The following C8orf34 variants were observed in gnomAD, a reference collection of about 807,000 sequenced individuals.
The protein encoded by C8orf34 is uncharacterized protein C8orf34.
A neutral mutation model predicts 68.3 loss-of-function variants in C8orf34; 65 were observed. The observed-to-expected ratio is 0.95, with a 90% confidence interval of 0.78 to 1.17. The LOEUF is 1.17. Among genes scored for constraint, C8orf34 ranks in the 50% most tolerant of loss-of-function variants. The pLI, the probability that C8orf34 is intolerant of heterozygous loss-of-function variation, is 0.00. For missense variants in C8orf34, 664 were observed against 655.4 expected, an observed-to-expected ratio of 1.01 and a Z score of -0.14; for synonymous variants, 244 against 241.2, an observed-to-expected ratio of 1.01 and a Z score of -0.11.
At chr8:68,423,354 A>G (rs185130231) in intron 1 of C8orf34, among the ~76,000 whole-genome samples, 249 of 152,302 alleles carry the variant, frequency 1.6e-3, no homozygotes, top group African/African-American at 5.5e-3. Flanking sequence ...AAATGCTGCC[A>G]GCCTCTTTGC....
In C8orf34 at chr8:68,804,711, C is replaced by T. The variant is rs139076201; in HGVS notation, c.1550-11175C>T. 2.4e-4 allele frequency among the ~76,000 whole-genome samples: 36 copies of T among 152,064 alleles called. No homozygotes were observed. In the East Asian group the frequency reaches 3.3e-3, roughly 14 times the overall value. On this transcript the variant is annotated intron_variant, in intron 12 of 13. Coordinates refer to ENST00000518698, the MANE Select transcript of C8orf34 (RefSeq NM_052958.4). ...AGAGGATCACCTGAGCCGGGGAGGTCGATGCTGCAGTGAGCTGTGATTGCA... is the reference window on the plus strand; with the variant it reads ...AGAGGATCACCTGAGCCGGGGAGGTTGATGCTGCAGTGAGCTGTGATTGCA...
At chr8:68,684,726 C>A (rs1468582196) in intron 8 of C8orf34, among the ~76,000 whole-genome samples, 1 of 151,854 alleles carries the variant, frequency 6.6e-6, no homozygotes, top group African/African-American at 2.4e-5. Flanking sequence ...TTAAGACACT[C>A]ATCTAATTTC....
intron 1 of C8orf34, among the ~76,000 whole-genome samples, chr8:68,357,964 C>T (rs918142778): frequency 6.6e-6 from 1 of 152,106 alleles, no homozygotes; most frequent in Non-Finnish European, 1.5e-5. Flanking sequence ...GGCATTTATA[C>T]CCCCATTCTT....
intron 8 of C8orf34, among the ~76,000 whole-genome samples, chr8:68,648,723 C>A (rs1225568271): frequency 6.6e-6 from 1 of 152,152 alleles, no homozygotes; most frequent in Admixed American, 6.5e-5. Flanking sequence ...GCATGAGAAT[C>A]CCAGGAGAAA....
At chr8:68,587,774 A>G (rs1319047246) in intron 7 of C8orf34, among the ~76,000 whole-genome samples, 1 of 152,140 alleles carries the variant, frequency 6.6e-6, no homozygotes, top group Non-Finnish European at 1.5e-5. Context: ...AACTAACTGA[A>G]CAACATGGCT....
intron 11 of C8orf34, among the ~76,000 whole-genome samples, chr8:68,783,345 C>T (rs1002945831): frequency 6.6e-6 from 1 of 151,896 alleles, no homozygotes; most frequent in Non-Finnish European, 1.5e-5. Context: ...TGGTGAAACC[C>T]CGTCTCTACT....
At chr8:68,611,326 G>C (rs1326689878) in intron 7 of C8orf34, among the ~76,000 whole-genome samples, 1 of 152,232 alleles carries the variant, frequency 6.6e-6, no homozygotes, top group South Asian at 2.1e-4. Flanking sequence ...TGCTATATTT[G>C]TTCTCCTTGG....
chr8:68,422,155 A>C (rs2129623707), intron 1 of C8orf34, among the ~76,000 whole-genome samples: 1 of 152,296 alleles, frequency 6.6e-6, no homozygotes, highest in South Asian at 2.1e-4. Context: ...CACATTTCAA[A>C]ACACAATCAT....
At chr8:68,446,620 A>C (rs760061312) in intron 3 of C8orf34, 160 bp downstream of exon 3, 4 of 663,118 alleles carry the variant, frequency 6.0e-6, no homozygotes, top group Non-Finnish European at 1.0e-5. Context: ...ATTGATCTTC[A>C]TTCATACGTA....
chr8:68,426,680 C>T (rs374014913), intron 1 of C8orf34, among the ~76,000 whole-genome samples: 79 of 151,594 alleles, frequency 5.2e-4, no homozygotes, highest in African/African-American at 1.9e-3. Flanking sequence ...CCAGCCTGAC[C>T]AAAATGGTGA....
intron 1 of C8orf34, among the ~76,000 whole-genome samples, chr8:68,388,380 G>A (rs80264480): frequency 0.02 from 2,991 of 152,110 alleles, 46 homozygotes; most frequent in South Asian, 0.048. Context: ...GATCACCTCA[G>A]CTAGCTGAGA....
chr8:68,639,379 A>G (rs183043236), intron 7 of C8orf34, among the ~76,000 whole-genome samples: 97 of 152,212 alleles, frequency 6.4e-4, no homozygotes, highest in African/African-American at 2.3e-3. Flanking sequence ...AGGCCGGTTC[A>G]TGATTTAGAC....
At chr8:68,595,151 A>G (rs1269729374) in intron 7 of C8orf34, among the ~76,000 whole-genome samples, 1 of 150,544 alleles carries the variant, frequency 6.6e-6, no homozygotes, top group East Asian at 1.9e-4. Context: ...TTTTTTTTAC[A>G]ATAATAAACT....
At chr8:68,641,641 T>C (rs537003540) in intron 8 of C8orf34, among the ~76,000 whole-genome samples, 92 of 152,230 alleles carry the variant, frequency 6.0e-4, no homozygotes, top group Non-Finnish European at 9.1e-4. Context: ...CAGTTGTATA[T>C]TTACATTTTG....
At chr8:68,439,236 A>G (rs1202379228) in intron 1 of C8orf34, 1 of 270,724 alleles carries the variant, frequency 3.7e-6, no homozygotes, top group African/African-American at 2.2e-5. Context: ...TTGGCTAAGT[A>G]TAATACAAAA....
intron 7 of C8orf34, among the ~76,000 whole-genome samples, chr8:68,570,507 G>A (rs1403688821): frequency 1.3e-5 from 2 of 152,196 alleles, no homozygotes; most frequent in Non-Finnish European, 2.9e-5. Context: ...ATCTCATTGT[G>A]AGTATGATGT....
chr8:68,411,232 T>G (rs1379225334), intron 1 of C8orf34, among the ~76,000 whole-genome samples: 1 of 152,228 alleles, frequency 6.6e-6, no homozygotes, highest in African/African-American at 2.4e-5. Flanking sequence ...TTCAGCTTGT[T>G]GCACAAATGT....
rs1346858094 is a variant in C8orf34 at position 68,538,831 on chromosome 8, T to A, written c.1105+5682T>A. ...AAGGATGTATAGAAAATTATTCTAC[T>A]GTCTTTCATTTTCCTCTGTGTAAAT... On this transcript the variant is annotated intron_variant, in intron 7 of 13. Coordinates refer to ENST00000518698, the MANE Select transcript of C8orf34 (RefSeq NM_052958.4). Among the ~76,000 whole-genome samples the A allele has an allele frequency of 2.6e-5, 4 of 152,162 alleles. No homozygotes were observed. In the South Asian group the frequency reaches 6.2e-4, roughly 24 times the overall value.
chr8:68,658,564 G>A (rs1035362050), intron 8 of C8orf34, among the ~76,000 whole-genome samples: 49 of 152,050 alleles, frequency 3.2e-4, no homozygotes, highest in South Asian at 2.1e-4. Context: ...AAGGTGTCCT[G>A]CCACTTTCTC....
Sources: allele counts gnomAD v4.1 joint callset (sites outside exome capture counted in the v4.1 genomes callset), GRCh38; gene constraint gnomAD v4.1.1; transcripts MANE v1.5; gene names NCBI Gene and HGNC (gene_info 2026-07-23, HGNC 2026-07-21).